Variants in ZNF354B observed in about 807,000 individuals in gnomAD.
ZNF354B encodes zinc finger protein 354B.
A neutral mutation model predicts 12.9 loss-of-function variants in ZNF354B; 10 were observed. That is an observed-to-expected ratio of 0.77 (90% CI 0.48 to 1.31). ZNF354B has a LOEUF of 1.31. Among genes scored for constraint, ZNF354B ranks in the 40% most tolerant of loss-of-function variants. The pLI, the probability that ZNF354B is intolerant of heterozygous loss-of-function variation, is 0.00. For missense variants in ZNF354B, 614 were observed against 711.7 expected (o/e 0.86, Z 1.56); for synonymous variants, 260 against 243.7 (o/e 1.07, Z -0.62).
chr5:178,870,317 C>T (rs1231096495), intron 4 of ZNF354B, among the ~76,000 whole-genome samples: 1 of 152,088 alleles, frequency 6.6e-6, no homozygotes, highest in Non-Finnish European at 1.5e-5. Context: ...GCTCTGTTGC[C>T]CAGGCTGGAG....
chr5:178,871,297 C>G (rs924203909), intron 4 of ZNF354B, among the ~76,000 whole-genome samples: 6 of 152,180 alleles, frequency 3.9e-5, no homozygotes, highest in African/African-American at 1.4e-4. Flanking sequence ...GGGGGCCAAG[C>G]AGGCCCCCAC....
Position 178,883,303 on chromosome 5 carries a change from C to A in ZNF354B, c.851C>A (p.Ser284Tyr). 1 of 1,613,916 alleles carries A rather than the reference C, an allele frequency of 6.2e-7. No homozygotes were observed. Among genetic ancestry groups the A allele is most frequent in the Non-Finnish European group, 8.5e-7 (1 of 1,179,936 alleles). Reference protein sequence around the residue: ...ECGKAFSHSASLCKHLRTHTV... With the variant: ...ECGKAFSHSAYLCKHLRTHTV... Reference sequence around the variant, plus strand: ...GGGAAAGCCTTCAGCCATAGTGCATCCCTTTGTAAGCATTTAAGGACCCAT... The same window carrying A: ...GGGAAAGCCTTCAGCCATAGTGCATACCTTTGTAAGCATTTAAGGACCCAT... Residue 284 changes from serine (S) to tyrosine (Y), a missense_variant, in exon 5 of 5, where the codon TCC becomes TAC. Coordinates refer to ENST00000322434, the MANE Select transcript of ZNF354B (RefSeq NM_058230.3).
At chr5:178,863,294 ATATGTGCATATG>A (rs1295349098) in intron 2 of ZNF354B, among the ~76,000 whole-genome samples, 1 of 152,204 alleles carries the variant, frequency 6.6e-6, no homozygotes, top group Non-Finnish European at 1.5e-5. Context: ...GTGTGTATAT[ATATGTGCATATG>A]TATGTGTATG....
intron 4 of ZNF354B, among the ~76,000 whole-genome samples, chr5:178,874,660 C>T (rs114748197): frequency 0.012 from 1,842 of 152,204 alleles, 44 homozygotes; most frequent in African/African-American, 0.043. Context: ...TCCTTACATT[C>T]CTTGGATTGG....
rs1449683752 is a variant in ZNF354B, at chr5:178,883,812, A to G, written c.1360A>G (p.Ile454Val). ...AGCCTTAAGCTCCCACTCAACACTT[A>G]TTATTCATGAGCGAATTCATACTGG... ...GKALSSHSTLIIHERIHTGEK... is the reference protein window; with the variant it reads ...GKALSSHSTLVIHERIHTGEK... The change falls in exon 5 of 5, where the codon ATT becomes GTT. Residue 454 changes from isoleucine (I) to valine (V), a missense_variant. Physicochemically the swap from Ile to Val is conservative, Grantham distance 29. Transcript: ENST00000322434. 6.2e-7 allele frequency: 1 copy of G among 1,614,166 alleles called. No individual in the cohort carries two copies. The highest frequency in any genetic ancestry group is 8.5e-7 in the Non-Finnish European group (1 of 1,180,008).
At chr5:178,873,712 T>A (rs1757595403) in intron 4 of ZNF354B, among the ~76,000 whole-genome samples, 1 of 152,146 alleles carries the variant, frequency 6.6e-6, no homozygotes, top group Non-Finnish European at 1.5e-5. Flanking sequence ...TTACTTCTTG[T>A]TGTTTTTTAG....
chr5:178,883,484 T>G lies in ZNF354B; in HGVS notation c.1032T>G (p.Ser344Arg). 2 of 1,614,094 alleles carry G rather than the reference T, an allele frequency of 1.2e-6. No homozygotes were observed. Among genetic ancestry groups the G allele is most frequent in the Non-Finnish European group, 1.7e-6 (2 of 1,179,974 alleles). The change falls in exon 5 of 5, where the codon AGT becomes AGG. Residue 344 changes from serine (S) to arginine (R), a missense_variant. Coordinates refer to ENST00000322434, the MANE Select transcript of ZNF354B (RefSeq NM_058230.3). ...GTTACAGCACTTCCCTTTCTGGAAG[T>G]CAGAAAATTCATCTCAGAAAGAAGT... ...ASSYSTSLSG[S>R]QKIHLRKKSY... is the part of the protein sequence containing the mutation.
intron 2 of ZNF354B, among the ~76,000 whole-genome samples, chr5:178,863,012 T>C (rs1757385128): frequency 6.6e-6 from 1 of 152,226 alleles, no homozygotes; most frequent in Non-Finnish European, 1.5e-5. Flanking sequence ...CCTGGGATCT[T>C]GGCTGCCCTG....
chr5:178,869,970 G>T (rs1437913522), intron 4 of ZNF354B, among the ~76,000 whole-genome samples: 1 of 152,076 alleles, frequency 6.6e-6, no homozygotes, highest in African/African-American at 2.4e-5. Context: ...GAAGGACTGG[G>T]ATGTTCCTGG....
At chr5:178,868,851 A>T (rs1438366143) in intron 4 of ZNF354B, among the ~76,000 whole-genome samples, 1 of 152,034 alleles carries the variant, frequency 6.6e-6, no homozygotes, top group Non-Finnish European at 1.5e-5. Context: ...GGGCGCCTGT[A>T]GTCCCAGCTA....
At chr5:178,877,611 C>T (rs146085021) in intron 4 of ZNF354B, among the ~76,000 whole-genome samples, 4 of 152,354 alleles carry the variant, frequency 2.6e-5, no homozygotes, top group Non-Finnish European at 5.9e-5. Context: ...TTTGTGTTTG[C>T]ACCTCCGTGA....
chr5:178,877,089 A>AT (rs1316077683), intron 4 of ZNF354B, among the ~76,000 whole-genome samples: 1 of 151,534 alleles, frequency 6.6e-6, no homozygotes, highest in African/African-American at 2.4e-5. Context: ...GTCTTCTCAC[A>AT]TTTTTTTCTG....
intron 2 of ZNF354B, among the ~76,000 whole-genome samples, chr5:178,862,590 A>T (rs111295415): frequency 4.2e-4 from 64 of 151,860 alleles, no homozygotes; most frequent in Non-Finnish European, 7.8e-4. Flanking sequence ...GGATGGCCTC[A>T]ATCTCCTGAC....
At chr5:178,869,549 G>T (rs937631456) in intron 4 of ZNF354B, among the ~76,000 whole-genome samples, 1 of 152,118 alleles carries the variant, frequency 6.6e-6, no homozygotes, top group African/African-American at 2.4e-5. Context: ...AGAAAGAGTT[G>T]TTCCCTTTCC....
intron 4 of ZNF354B, among the ~76,000 whole-genome samples, chr5:178,869,050 G>A (rs150209290): frequency 9.0e-4 from 137 of 152,240 alleles, no homozygotes; most frequent in African/African-American, 2.8e-3. Flanking sequence ...GCCAGGCACC[G>A]AAGAGAGCCG....
intron 2 of ZNF354B, among the ~76,000 whole-genome samples, chr5:178,864,499 G>T (rs78755923): frequency 6.6e-6 from 1 of 151,992 alleles, no homozygotes; most frequent in Non-Finnish European, 1.5e-5. Context: ...TGCGACACAC[G>T]ACTGTGTACT....
chr5:178,862,626 C>T (rs991744482), intron 2 of ZNF354B, among the ~76,000 whole-genome samples: 1 of 152,192 alleles, frequency 6.6e-6, no homozygotes, highest in African/African-American at 2.4e-5. Flanking sequence ...CCACAGCCTC[C>T]CGGAGTGCTG....
At chr5:178,872,745 G>A (rs1366220993) in intron 4 of ZNF354B, among the ~76,000 whole-genome samples, 1 of 152,156 alleles carries the variant, frequency 6.6e-6, no homozygotes, top group Admixed American at 6.5e-5. Flanking sequence ...GTTGATGTTT[G>A]ACATAGTTCA....
chr5:178,882,675 C>A, intron 4 of ZNF354B, 34 bp from the exon 5 acceptor site: 2 of 1,518,128 alleles, frequency 1.3e-6, no homozygotes, highest in South Asian at 1.4e-5. Flanking sequence ...TCACATGAAT[C>A]ATGGGCTGTT....
Sources: gnomAD v4.1 joint callset for allele counts (sites outside exome capture counted in the v4.1 genomes callset) on GRCh38, gnomAD v4.1.1 for gene constraint, MANE v1.5 for transcripts, NCBI Gene and HGNC (gene_info 2026-07-23, HGNC 2026-07-21) for gene names.